Variants in HMGN3 observed in about 807,000 individuals in gnomAD.
HMGN3 encodes high mobility group nucleosome-binding domain-containing protein 3.
A neutral mutation model predicts 18.8 loss-of-function variants in HMGN3; 6 were observed. That is an observed-to-expected ratio of 0.32 (90% CI 0.18 to 0.63). The LOEUF (loss-of-function observed/expected upper bound fraction) is 0.63, where lower values mean the gene tolerates loss of function less well. HMGN3 is among the 30% of genes least tolerant of loss of function. The probability of loss-of-function intolerance (pLI) is 0.79; values close to 1 mark genes in which losing one functional copy is unlikely to be tolerated. For missense variants in HMGN3, 107 were observed against 114.2 expected (o/e 0.94, Z 0.29); for synonymous variants, 40 against 36.5 (o/e 1.10, Z -0.35).
At chr6:79,201,880 A>C in intron 5 of HMGN3, 154 bp from the exon 7 acceptor site, 1 of 985,242 alleles carries the variant, frequency 1.0e-6, no homozygotes, top group Non-Finnish European at 1.2e-6. Context: ...TGAGTGAAGA[A>C]GACAAGGCAG....
chr6:79,203,145 T>C (rs1776230915), intron 4 of HMGN3, among the ~76,000 whole-genome samples: 1 of 152,204 alleles, frequency 6.6e-6, no homozygotes, highest in Non-Finnish European at 1.5e-5. Context: ...AAGGGCCTTA[T>C]AAATGCCAAT....
intron 4 of HMGN3, 34 bp from the exon 5 acceptor site, chr6:79,202,423 G>C: frequency 6.6e-7 from 1 of 1,507,122 alleles, no homozygotes; most frequent in Non-Finnish European, 9.2e-7. Flanking sequence ...GAAAGAGAAT[G>C]TTAGACACGG....
intron 1 of HMGN3, among the ~76,000 whole-genome samples, chr6:79,233,501 C>T (rs1777960294): frequency 6.6e-6 from 1 of 152,190 alleles, no homozygotes; most frequent in Non-Finnish European, 1.5e-5. Context: ...TTAATACCCA[C>T]ACTCGTTGAC....
rs142000726 is a variant in HMGN3 at position 79,223,501 on chromosome 6, A to T, written c.16-8479T>A. Reference sequence around the variant, plus strand: ...ATTCCAGCCTGGGTGACAGAGCGAGACTCTATCTCAACAAACAAACAAACA... The same window carrying T: ...ATTCCAGCCTGGGTGACAGAGCGAGTCTCTATCTCAACAAACAAACAAACA... On this transcript the variant is annotated intron_variant, in intron 1 of 5. Coordinates refer to ENST00000344726, the Ensembl canonical transcript of HMGN3. 1.3e-3 allele frequency among the ~76,000 whole-genome samples: 204 copies of T among 151,710 alleles called. 3 individuals carry two copies. The East Asian group carries it at 0.038, about 28-fold the overall frequency.
intron 3 of HMGN3, among the ~76,000 whole-genome samples, chr6:79,205,055 T>C (rs1012966910): frequency 3.3e-5 from 5 of 152,206 alleles, no homozygotes; most frequent in Admixed American, 6.5e-5. Flanking sequence ...TTGTAGTCTG[T>C]AATCCTGCTG....
At chr6:79,218,883 T>A (rs946117177) in intron 1 of HMGN3, among the ~76,000 whole-genome samples, 9 of 152,142 alleles carry the variant, frequency 5.9e-5, no homozygotes, top group Non-Finnish European at 1.3e-4. Context: ...AAAACACGGA[T>A]AAACTCTAGA....
Position 79,208,612 on chromosome 6 carries a change from G to C in HMGN3, c.67-36C>G, listed in dbSNP as rs774267289. 2.0e-6 allele frequency: 3 copies of C among 1,531,268 alleles called. No homozygotes were observed. The African/African-American group carries it at 4.1e-5, about 21-fold the overall frequency. The allele number at this position is 1,531,268 out of a possible 1,614,324, so 94.9% of individuals were successfully genotyped here. On this transcript the variant is annotated intron_variant, in intron 2 of 5. Coordinates refer to ENST00000344726, the Ensembl canonical transcript of HMGN3. ...AATGGGAAAATATACATATTTTTTG[G>C]TGATTATATAAAACGAAGTTGATTT...
chr6:79,201,664 T>C, exon 6 of HMGN3: 2 of 1,482,194 alleles, frequency 1.3e-6, no homozygotes, highest in Non-Finnish European at 1.9e-6. Context: ...ATACATAAAA[T>C]CAACCCCAAT....
intron 3 of HMGN3, 39 bp downstream of exon 3, chr6:79,208,508 T>C: frequency 6.6e-7 from 1 of 1,513,192 alleles, no homozygotes; most frequent in Non-Finnish European, 9.2e-7. Flanking sequence ...GAACATGTAC[T>C]CATAAGAACT....
intron 1 of HMGN3, among the ~76,000 whole-genome samples, chr6:79,227,259 A>AT (rs1046037597): frequency 8.6e-5 from 13 of 151,882 alleles, no homozygotes; most frequent in South Asian, 8.3e-4. Context: ...ATTTTTAAAC[A>AT]TTTTTTTTTC....
intron 1 of HMGN3, among the ~76,000 whole-genome samples, chr6:79,228,201 T>C (rs1347815603): frequency 6.6e-6 from 1 of 152,234 alleles, no homozygotes; most frequent in Non-Finnish European, 1.5e-5. Flanking sequence ...TACTTGTTTA[T>C]GTGTTCTACC....
At chr6:79,215,292 C>T (rs902533753) in intron 1 of HMGN3, among the ~76,000 whole-genome samples, 10 of 152,218 alleles carry the variant, frequency 6.6e-5, no homozygotes, top group Admixed American at 1.3e-4. Context: ...TCACCCTAAG[C>T]GACTTTCATT....
intron 2 of HMGN3, among the ~76,000 whole-genome samples, chr6:79,209,909 A>C (rs1259935404): frequency 6.6e-6 from 1 of 152,202 alleles, no homozygotes; most frequent in Non-Finnish European, 1.5e-5. Flanking sequence ...TCAGAGCTGG[A>C]CTTAAGGCCA....
chr6:79,232,528 G>A (rs1333936781), intron 1 of HMGN3, among the ~76,000 whole-genome samples: 1 of 151,986 alleles, frequency 6.6e-6, no homozygotes, highest in African/African-American at 2.4e-5. Context: ...CAGGACCATT[G>A]GCTAGCTTAT....
chr6:79,215,905 CT>C (rs1436327162), intron 1 of HMGN3, among the ~76,000 whole-genome samples: 1 of 152,146 alleles, frequency 6.6e-6, no homozygotes, highest in African/African-American at 2.4e-5. Context: ...TACTCAGTCT[CT>C]ATGGCACAAA....
At chr6:79,207,921 C>T (rs989560427) in intron 3 of HMGN3, among the ~76,000 whole-genome samples, 3 of 152,110 alleles carry the variant, frequency 2.0e-5, no homozygotes, top group African/African-American at 7.2e-5. Flanking sequence ...GCTAATCTCT[C>T]AGGAGAGCAG....
At chr6:79,214,698 C>T (rs1776882615) in intron 2 of HMGN3, among the ~76,000 whole-genome samples, 1 of 152,196 alleles carries the variant, frequency 6.6e-6, no homozygotes, top group Admixed American at 6.5e-5. Context: ...TTCTCAGTAT[C>T]TGCTTTAACA....
At chr6:79,211,493 A>C (rs1776691594) in intron 2 of HMGN3, among the ~76,000 whole-genome samples, 1 of 144,292 alleles carries the variant, frequency 6.9e-6, no homozygotes, top group African/African-American at 2.6e-5. Flanking sequence ...TTAATTGTGA[A>C]TCCTCAGGAA....
intron 1 of HMGN3, among the ~76,000 whole-genome samples, chr6:79,220,141 G>A (rs570664994): frequency 7.2e-5 from 11 of 152,282 alleles, no homozygotes; most frequent in African/African-American, 2.6e-4. Context: ...TTTTGTTCTG[G>A]AGGATGATAC....
Sources: allele counts gnomAD v4.1 joint callset (sites outside exome capture counted in the v4.1 genomes callset), GRCh38; gene constraint gnomAD v4.1.1; transcripts MANE v1.5; gene names NCBI Gene and HGNC (gene_info 2026-07-23, HGNC 2026-07-21).